AUTS2: variants seen among roughly 807,000 people sequenced by gnomAD.
AUTS2 encodes the protein activator of transcription and developmental regulator AUTS2, also known as autism susceptibility gene 2 protein.
In AUTS2, 17 loss-of-function variants were observed where a neutral mutation model predicts 112.4. That is an observed-to-expected ratio of 0.15 (90% CI 0.10 to 0.23). The LOEUF is 0.23. AUTS2 is among the 10% of genes least tolerant of loss of function. The pLI is 1.00. For synonymous variants in AUTS2, 751 were observed against 702.7 expected (o/e 1.07, Z -1.09); for missense variants, 1,510 against 1,701.6 (o/e 0.89, Z 1.98).
In AUTS2 at chr7:70,278,092, G is replaced by T. The variant is rs115913902; in HGVS notation, c.660+143521G>T. The stretch of plus-strand genomic sequence containing the variant: ...TCTGGTGCATCTGAACATATTCCTG[G>T]GCAGAAGGTATACCTGTGCACATTA... On this transcript the variant is annotated intron_variant, in intron 4 of 18. Coordinates refer to ENST00000342771, the MANE Select transcript of AUTS2 (RefSeq NM_015570.4). 5.2e-3 allele frequency among the ~76,000 whole-genome samples: 791 copies of T among 151,956 alleles called. 9 individuals are homozygous for T. The highest frequency in any genetic ancestry group is 0.018 in the African/African-American group (759 of 41,434).
chr7:69,958,480 G>A (rs1797305076), intron 2 of AUTS2, among the ~76,000 whole-genome samples: 1 of 152,072 alleles, frequency 6.6e-6, no homozygotes, highest in South Asian at 2.1e-4. Flanking sequence ...TTCCATCAGG[G>A]CCAAGTGGAG....
chr7:70,741,100 T>TA (rs954505015), intron 6 of AUTS2, among the ~76,000 whole-genome samples: 9 of 145,560 alleles, frequency 6.2e-5, no homozygotes, highest in South Asian at 2.2e-4. Context: ...TCTCAAAAAT[T>TA]AAAAAAAATA....
intron 2 of AUTS2, among the ~76,000 whole-genome samples, chr7:69,958,475 T>A (rs759909681): frequency 4.6e-5 from 7 of 152,078 alleles, no homozygotes; most frequent in Non-Finnish European, 1.0e-4. Flanking sequence ...AATACTTCCA[T>A]CAGGGCCAAG....
intron 4 of AUTS2, among the ~76,000 whole-genome samples, chr7:70,317,856 C>T (rs979660925): frequency 3.9e-5 from 6 of 152,128 alleles, no homozygotes; most frequent in African/African-American, 1.2e-4. Context: ...ATGCTTAGTA[C>T]AATCTTTTTG....
intron 1 of AUTS2, among the ~76,000 whole-genome samples, chr7:69,738,881 A>G (rs551494615): frequency 2.0e-4 from 30 of 152,094 alleles, no homozygotes; most frequent in Non-Finnish European, 3.7e-4. Flanking sequence ...AGTGTGGAGG[A>G]AGGAGATGAG....
At chr7:70,606,093 C>T (rs1268289458) in intron 5 of AUTS2, among the ~76,000 whole-genome samples, 3 of 152,184 alleles carry the variant, frequency 2.0e-5, no homozygotes, top group East Asian at 3.9e-4. Flanking sequence ...AGCACCTCGA[C>T]TCTGATTTAG....
intron 4 of AUTS2, among the ~76,000 whole-genome samples, chr7:70,144,612 G>A (rs1367675110): frequency 1.3e-5 from 2 of 152,042 alleles, no homozygotes; most frequent in African/African-American, 2.4e-5. Context: ...CTATTATTTT[G>A]GTTTTACATA....
chr7:69,784,420 T>C (rs1044092905), intron 1 of AUTS2, among the ~76,000 whole-genome samples: 2 of 152,230 alleles, frequency 1.3e-5, no homozygotes, highest in African/African-American at 4.8e-5. Flanking sequence ...TGGTTTGTTT[T>C]GCCCGTCTGC....
At chr7:70,554,754 C>T (rs1476645315) in intron 5 of AUTS2, among the ~76,000 whole-genome samples, 2 of 152,156 alleles carry the variant, frequency 1.3e-5, no homozygotes, top group African/African-American at 4.8e-5. Context: ...GCTATACAGG[C>T]TGAAAAGCTG....
rs527721975 is a variant in AUTS2 at position 69,893,315 on chromosome 7, T to C, written c.310-5971T>C. ...CTCAAAAGTCCAAAGTTGGGGACTG[T>C]TGTGAACATATCTATCTAGTTACTA... On this transcript the variant is annotated intron_variant, in intron 1 of 18. Transcript: ENST00000342771. 7.9e-5 allele frequency among the ~76,000 whole-genome samples: 12 copies of C among 152,328 alleles called. No homozygotes were observed. In the South Asian group the frequency reaches 2.3e-3, roughly 29 times the overall value.
intron 5 of AUTS2, among the ~76,000 whole-genome samples, chr7:70,691,874 A>T (rs1218747709): frequency 9.1e-5 from 12 of 131,808 alleles, no homozygotes; most frequent in Admixed American, 2.4e-4. Flanking sequence ...ATTGATGACA[A>T]TTTTTTTTTT....
At chr7:70,414,441 G>A (rs1039240968) in intron 4 of AUTS2, among the ~76,000 whole-genome samples, 1 of 152,122 alleles carries the variant, frequency 6.6e-6, no homozygotes, top group Non-Finnish European at 1.5e-5. Flanking sequence ...GGTGATCTGG[G>A]CACAGATACT....
At chr7:69,881,658 T>C (rs1260885319) in intron 1 of AUTS2, among the ~76,000 whole-genome samples, 1 of 152,142 alleles carries the variant, frequency 6.6e-6, no homozygotes, top group Non-Finnish European at 1.5e-5. Flanking sequence ...TCTCTTCCCA[T>C]GCCAAACTTT....
intron 4 of AUTS2, among the ~76,000 whole-genome samples, chr7:70,334,076 T>C (rs1174139325): frequency 6.6e-6 from 1 of 152,212 alleles, no homozygotes; most frequent in Non-Finnish European, 1.5e-5. Context: ...GAGAGGCCAT[T>C]TCTTTCTTTT....
At chr7:70,594,037 G>C (rs38317) in intron 5 of AUTS2, among the ~76,000 whole-genome samples, 19,783 of 152,252 alleles carry the variant, frequency 0.13, 1,603 homozygotes, top group Non-Finnish European at 0.17. Context: ...GTGCCCTCAA[G>C]TGTTGAGATG....
At chr7:69,884,870 T>G (rs1040971273) in intron 1 of AUTS2, among the ~76,000 whole-genome samples, 3 of 152,244 alleles carry the variant, frequency 2.0e-5, no homozygotes, top group Non-Finnish European at 2.9e-5. Context: ...ACTGCAGATA[T>G]AGCTTGAGGA....
intron 5 of AUTS2, among the ~76,000 whole-genome samples, chr7:70,534,065 A>G (rs1003661144): frequency 1.3e-5 from 2 of 152,222 alleles, no homozygotes; most frequent in Non-Finnish European, 2.9e-5. Flanking sequence ...AATATTTTGT[A>G]GCACTCAAAG....
intron 1 of AUTS2, among the ~76,000 whole-genome samples, chr7:69,835,355 T>C (rs1791675906): frequency 6.6e-6 from 1 of 152,152 alleles, no homozygotes; most frequent in African/African-American, 2.4e-5. Context: ...CGGTTTTCTT[T>C]TTTTGTAGAA....
rs186789261 is a variant in AUTS2, at chr7:70,292,324, T to G, written c.661-143428T>G. On this transcript the variant is annotated intron_variant, in intron 4 of 18. Transcript: ENST00000342771. Reference sequence around the variant, plus strand: ...ACCTGCTGCACATTCTCATCTAAAATGCGTATGTGAAAGTACAGTTGTAGC... The same window carrying G: ...ACCTGCTGCACATTCTCATCTAAAAGGCGTATGTGAAAGTACAGTTGTAGC... 5.2e-5 allele frequency: 8 copies of G among 152,382 alleles called. No individual in the cohort carries two copies. In the East Asian group the frequency reaches 1.5e-3, roughly 29 times the overall value. 9.4% of individuals were successfully genotyped at this position (152,382 alleles called of 1,614,324 possible).
Sources: gnomAD v4.1 joint callset for allele counts (sites outside exome capture counted in the v4.1 genomes callset) on GRCh38, gnomAD v4.1.1 for gene constraint, MANE v1.5 for transcripts, NCBI Gene and HGNC (gene_info 2026-07-23, HGNC 2026-07-21) for gene names.